PCMTD1: variants seen among roughly 807,000 people sequenced by gnomAD.
PCMTD1 encodes the protein protein-L-isoaspartate O-methyltransferase domain-containing protein 1.
PCMTD1 carries 12 observed loss-of-function variants against 37.6 expected under a neutral mutation model. The observed-to-expected ratio is 0.32, with a 90% confidence interval of 0.20 to 0.52. The LOEUF is 0.52. Among genes scored for constraint, PCMTD1 ranks in the 20% least tolerant of loss-of-function variants. PCMTD1 has a pLI of 0.97. For synonymous variants in PCMTD1, 117 were observed against 135.8 expected (o/e 0.86, Z 0.96); for missense variants, 235 against 421.3 (o/e 0.56, Z 3.87).
In PCMTD1 at chr8:51,876,169, A is replaced by G. The variant is rs983442689; in HGVS notation, c.-95-14923T>C. Among the ~76,000 whole-genome samples, 6 of 152,238 alleles carry G rather than the reference A, an allele frequency of 3.9e-5. No homozygotes were observed. In the South Asian group the frequency reaches 6.2e-4, roughly 16 times the overall value. On this transcript the variant is annotated intron_variant, in intron 1 of 5. Coordinates refer to ENST00000522514, the MANE Select transcript of PCMTD1 (RefSeq NM_052937.4). Reference sequence around the variant, plus strand: ...ATTTCAAGAAACATTAGTCAAGTTGATAAAACCGGGAGATTTTTGTACAGT... The same window carrying G: ...ATTTCAAGAAACATTAGTCAAGTTGGTAAAACCGGGAGATTTTTGTACAGT...
chr8:51,878,599 A>G (rs930093694), intron 1 of PCMTD1, among the ~76,000 whole-genome samples: 1 of 151,868 alleles, frequency 6.6e-6, no homozygotes, highest in South Asian at 2.1e-4. Flanking sequence ...AATTTAAAAA[A>G]TTAGCCAGGC....
chr8:51,878,196 C>T lies in PCMTD1; in HGVS notation c.-95-16950G>A, dbSNP rs1047294503. On this transcript the variant is annotated intron_variant, in intron 1 of 5. Coordinates refer to ENST00000522514, the MANE Select transcript of PCMTD1 (RefSeq NM_052937.4). ...ATGCAGCCCAGGATGGCTTTGAATGCAGCCAAACACAAATTCGTAAACTTT... is the reference window on the plus strand; with the variant it reads ...ATGCAGCCCAGGATGGCTTTGAATGTAGCCAAACACAAATTCGTAAACTTT... Among the ~76,000 whole-genome samples the T allele has an allele frequency of 2.6e-5, 4 of 151,874 alleles. No homozygotes were observed. In the South Asian group the frequency reaches 8.3e-4, roughly 32 times the overall value.
chr8:51,846,245 C>T (rs558136726), intron 2 of PCMTD1, among the ~76,000 whole-genome samples: 2 of 152,326 alleles, frequency 1.3e-5, no homozygotes, highest in South Asian at 4.1e-4. Context: ...CCTTTTGGAG[C>T]TCCCAGTGCC....
Position 51,820,311 on chromosome 8 carries a change from T to C in PCMTD1, c.*40A>G, listed in dbSNP as rs77261625. ...CTAACAAATGCTACATTTTCAAGAC[T>C]AAAGGAATTATCAGTAGGCATTTTT... On this transcript the variant is annotated 3_prime_UTR_variant, in exon 6 of 6. Coordinates refer to ENST00000522514, the MANE Select transcript of PCMTD1 (RefSeq NM_052937.4). 6.7e-7 allele frequency: 1 copy of C among 1,486,844 alleles called. No individual in the cohort carries two copies. Among genetic ancestry groups the C allele is most frequent in the Non-Finnish European group, 8.9e-7 (1 of 1,117,386 alleles). 92.1% of individuals were successfully genotyped at this position (1,486,844 alleles called of 1,614,324 possible).
chr8:51,877,906 T>C (rs1358752087), intron 1 of PCMTD1, among the ~76,000 whole-genome samples: 2 of 152,200 alleles, frequency 1.3e-5, no homozygotes, highest in Admixed American at 6.5e-5. Flanking sequence ...TTGGAAAATA[T>C]GTACTAAAGT....
intron 5 of PCMTD1, among the ~76,000 whole-genome samples, chr8:51,821,706 C>T (rs570852661): frequency 2.0e-5 from 3 of 151,500 alleles, no homozygotes; most frequent in South Asian, 4.2e-4. Context: ...AATCAAAACG[C>T]CAATGATATG....
chr8:51,855,887 C>T (rs1056149666), intron 2 of PCMTD1, among the ~76,000 whole-genome samples: 3 of 152,024 alleles, frequency 2.0e-5, no homozygotes, highest in African/African-American at 2.4e-5. Context: ...CCAGGATGGT[C>T]TCAATCTCCT....
In PCMTD1 at chr8:51,847,553, G is replaced by C. The variant is rs534653241; in HGVS notation, c.308-1790C>G. 2.0e-3 allele frequency among the ~76,000 whole-genome samples: 302 copies of C among 152,168 alleles called. 3 individuals carry two copies. The highest frequency in any genetic ancestry group is 7.0e-3 in the African/African-American group (291 of 41,528). On this transcript the variant is annotated intron_variant, in intron 2 of 5. Transcript: ENST00000522514. Reference sequence around the variant, plus strand: ...GAGGCTTGAGAATTGCTTCAACTCAGGAGACGGAGGTTGCACTGAGCCAAG... The same window carrying C: ...GAGGCTTGAGAATTGCTTCAACTCACGAGACGGAGGTTGCACTGAGCCAAG...
At chr8:51,888,704 A>C (rs2038897207) in intron 1 of PCMTD1, among the ~76,000 whole-genome samples, 1 of 152,238 alleles carries the variant, frequency 6.6e-6, no homozygotes, top group Non-Finnish European at 1.5e-5. Flanking sequence ...CACCGAGTAA[A>C]ACAAATTAAT....
chr8:51,821,447 A>C (rs2037847232), intron 5 of PCMTD1, among the ~76,000 whole-genome samples: 1 of 152,162 alleles, frequency 6.6e-6, no homozygotes, highest in African/African-American at 2.4e-5. Context: ...GGCCCTCTAC[A>C]TGTAAAAATA....
Position 51,820,613 on chromosome 8 carries a change from C to T in PCMTD1, c.812G>A (p.Arg271Lys). ...CTTTCTTTTCCTTTTGGGTGGAGCC[C>T]TTTGAGGAATCCCCTTGGCCTGCAT... Reference protein sequence around the residue: ...DEMQAKGIPQRAPPKRKRKRV... With the variant: ...DEMQAKGIPQKAPPKRKRKRV... Residue 271 changes from arginine to lysine, a missense_variant, in exon 6 of 6, where the codon AGG becomes AAG. Coordinates refer to ENST00000522514, the MANE Select transcript of PCMTD1 (RefSeq NM_052937.4). 2 of 1,611,546 alleles carry T rather than the reference C, an allele frequency of 1.2e-6. No homozygotes were observed. The highest frequency in any genetic ancestry group is 8.5e-7 in the Non-Finnish European group (1 of 1,179,434).
chr8:51,828,587 AAAGT>A (rs2037955198), intron 5 of PCMTD1, among the ~76,000 whole-genome samples: 1 of 152,218 alleles, frequency 6.6e-6, no homozygotes, highest in African/African-American at 2.4e-5. Context: ...TTTTGCAACC[AAAGT>A]AAGGTCGAAC....
At chr8:51,847,622 G>A (rs2038241451) in intron 2 of PCMTD1, among the ~76,000 whole-genome samples, 1 of 151,736 alleles carries the variant, frequency 6.6e-6, no homozygotes, top group Non-Finnish European at 1.5e-5. Context: ...GCAAGACTCT[G>A]TCTCAAAAAA....
At chr8:51,849,145 T>C (rs577856091) in intron 2 of PCMTD1, 2 of 152,110 alleles carry the variant, frequency 1.3e-5, no homozygotes, top group African/African-American at 4.8e-5. Context: ...CTAAGAGATC[T>C]AGGGTGGTAA....
intron 1 of PCMTD1, among the ~76,000 whole-genome samples, chr8:51,890,686 C>A (rs2038924114): frequency 6.6e-6 from 1 of 152,202 alleles, no homozygotes; most frequent in Non-Finnish European, 1.5e-5. Flanking sequence ...ACTGATCCAT[C>A]CACCAGCACA....
chr8:51,848,428 A>G (rs945566172), intron 2 of PCMTD1, among the ~76,000 whole-genome samples: 3 of 152,194 alleles, frequency 2.0e-5, no homozygotes, highest in Non-Finnish European at 2.9e-5. Flanking sequence ...TATAAGACAG[A>G]ATATATAAAT....
At chr8:51,829,671 G>A (rs912054814) in intron 5 of PCMTD1, among the ~76,000 whole-genome samples, 5 of 152,114 alleles carry the variant, frequency 3.3e-5, no homozygotes, top group African/African-American at 1.2e-4. Context: ...TCAGGAGGCC[G>A]AGGCAGGAGA....
At chr8:51,863,958 C>CT (rs2038513044) in intron 1 of PCMTD1, among the ~76,000 whole-genome samples, 1 of 151,488 alleles carries the variant, frequency 6.6e-6, no homozygotes, top group Non-Finnish European at 1.5e-5. Flanking sequence ...AATCAAATGA[C>CT]TGCATGGATT....
At chr8:51,899,064 G>C (rs2039057964), upstream of PCMTD1, 1 of 1,502,508 alleles carries the variant, frequency 6.7e-7, no homozygotes, top group Admixed American at 2.1e-5. Context: ...ACCCGCGACT[G>C]GAGCAGCCAG....
Sources: gnomAD v4.1 joint callset for allele counts (sites outside exome capture counted in the v4.1 genomes callset) on GRCh38, gnomAD v4.1.1 for gene constraint, MANE v1.5 for transcripts, NCBI Gene and HGNC (gene_info 2026-07-23, HGNC 2026-07-21) for gene names.